Variants in AGBL4 observed in about 807,000 individuals in gnomAD.
AGBL4 encodes cytosolic carboxypeptidase 6.
A neutral mutation model predicts 66.4 loss-of-function variants in AGBL4; 58 were observed. The observed-to-expected ratio is 0.87, with a 90% confidence interval of 0.71 to 1.09. AGBL4 has a LOEUF of 1.09. AGBL4 is among the 50% of genes least tolerant of loss of function. The pLI, the probability that AGBL4 is intolerant of heterozygous loss-of-function variation, is 0.00. For missense variants in AGBL4, 579 were observed against 631.0 expected (o/e 0.92, Z 0.88); for synonymous variants, 234 against 222.9 (o/e 1.05, Z -0.44).
At chr1:48,968,766 C>A (rs193105911) in intron 5 of AGBL4, among the ~76,000 whole-genome samples, 1 of 152,084 alleles carries the variant, frequency 6.6e-6, no homozygotes, top group African/African-American at 2.4e-5. Context: ...CAGTCCAAGT[C>A]AATTGCATTG....
At chr1:48,546,965 G>C (rs1053126490) in intron 11 of AGBL4, among the ~76,000 whole-genome samples, 9 of 151,518 alleles carry the variant, frequency 5.9e-5, no homozygotes, top group Non-Finnish European at 8.8e-5. Context: ...AGATAATGCA[G>C]GCGTGGGAAG....
At chr1:49,163,066 G>A (rs1265950494) in intron 4 of AGBL4, among the ~76,000 whole-genome samples, 7 of 152,036 alleles carry the variant, frequency 4.6e-5, no homozygotes, top group Non-Finnish European at 1.0e-4. Context: ...ATTCTTAATG[G>A]AGCTCTTCAG....
At chr1:49,282,981 C>T (rs1462874026) in intron 3 of AGBL4, among the ~76,000 whole-genome samples, 1 of 152,246 alleles carries the variant, frequency 6.6e-6, no homozygotes, top group Non-Finnish European at 1.5e-5. Flanking sequence ...CTTAGGTAAA[C>T]AAACCAGCTG....
intron 1 of AGBL4, among the ~76,000 whole-genome samples, chr1:49,869,382 G>C (rs1163699559): frequency 4.6e-5 from 7 of 152,068 alleles, no homozygotes; most frequent in Non-Finnish European, 7.3e-5. Context: ...AAGAAAATGT[G>C]GTACATATGC....
rs546663063 is a variant in AGBL4, at chr1:49,955,801, TGGAAAAAA to T, written c.34+67954_34+67961del. 1.6e-4 allele frequency among the ~76,000 whole-genome samples: 25 copies of T among 151,826 alleles called. No homozygotes were observed. In the East Asian group the frequency reaches 2.7e-3, roughly 17 times the overall value. ...GAACTGCCCCCAGATAAGTGTGCCC[TGGAAAAAA>T]AAGTACAATGCAATCACTCTGTGCC... On this transcript the variant is annotated intron_variant, in intron 1 of 13. Transcript: ENST00000371839.
chr1:49,701,906 A>G (rs1247196908), intron 2 of AGBL4, among the ~76,000 whole-genome samples: 1 of 152,172 alleles, frequency 6.6e-6, no homozygotes, highest in Non-Finnish European at 1.5e-5. Flanking sequence ...AACTATACTT[A>G]TATCAGACAA....
intron 7 of AGBL4, among the ~76,000 whole-genome samples, chr1:48,656,956 T>C (rs1187306160): frequency 6.6e-6 from 1 of 152,108 alleles, no homozygotes; most frequent in Non-Finnish European, 1.5e-5. Context: ...GCCCATGTAT[T>C]CCCTGAATCT....
intron 3 of AGBL4, among the ~76,000 whole-genome samples, chr1:49,276,202 A>G (rs1557793680): frequency 6.6e-6 from 1 of 152,030 alleles, no homozygotes; most frequent in East Asian, 1.9e-4. Flanking sequence ...ATTTAACCAA[A>G]CTAATCTATT....
chr1:49,987,698 A>T (rs1659614755), intron 1 of AGBL4, among the ~76,000 whole-genome samples: 1 of 152,030 alleles, frequency 6.6e-6, no homozygotes, highest in African/African-American at 2.4e-5. Context: ...ATACACTTTT[A>T]AAATTTTTAT....
chr1:48,822,006 T>C (rs181609543), intron 6 of AGBL4, among the ~76,000 whole-genome samples: 37 of 152,116 alleles, frequency 2.4e-4, no homozygotes, highest in Non-Finnish European at 4.6e-4. Flanking sequence ...ATTAAAGCCA[T>C]AAGGAAATAC....
At chr1:48,934,066 A>G (rs1655257362) in intron 5 of AGBL4, among the ~76,000 whole-genome samples, 1 of 152,190 alleles carries the variant, frequency 6.6e-6, no homozygotes, top group South Asian at 2.1e-4. Flanking sequence ...CTGGGGAGCT[A>G]CAGAAAGGTT....
intron 2 of AGBL4, among the ~76,000 whole-genome samples, chr1:49,813,117 A>G (rs1645141045): frequency 1.3e-5 from 2 of 152,144 alleles, no homozygotes; most frequent in African/African-American, 2.4e-5. Flanking sequence ...AAAAAAGAAT[A>G]TCTTACTGAC....
chr1:48,565,472 G>A (rs1373366602), intron 11 of AGBL4, among the ~76,000 whole-genome samples: 1 of 152,126 alleles, frequency 6.6e-6, no homozygotes, highest in East Asian at 1.9e-4. Context: ...CCTGAGTCAG[G>A]CCTTGGTAAG....
intron 5 of AGBL4, among the ~76,000 whole-genome samples, chr1:48,989,277 A>G (rs996072560): frequency 1.3e-5 from 2 of 152,104 alleles, no homozygotes; most frequent in African/African-American, 4.8e-5. Flanking sequence ...TACGGGGTAC[A>G]TGATATATTT....
chr1:49,117,416 C>A (rs2148034901), intron 4 of AGBL4, among the ~76,000 whole-genome samples: 1 of 152,240 alleles, frequency 6.6e-6, no homozygotes, highest in South Asian at 2.1e-4. Context: ...AGGAGGGGAT[C>A]CAGTTTCAGC....
chr1:49,807,966 C>T (rs1645012514), intron 2 of AGBL4, among the ~76,000 whole-genome samples: 2 of 152,178 alleles, frequency 1.3e-5, no homozygotes, highest in Admixed American at 1.3e-4. Flanking sequence ...GTCAAATCTG[C>T]CAATGCCTTG....
intron 3 of AGBL4, among the ~76,000 whole-genome samples, chr1:49,367,658 T>G (rs1644265255): frequency 6.6e-6 from 1 of 152,232 alleles, no homozygotes; most frequent in Non-Finnish European, 1.5e-5. Context: ...TCTTCCCTGG[T>G]CAATGAATTG....
At chr1:49,900,381 G>A (rs1054445917) in intron 1 of AGBL4, among the ~76,000 whole-genome samples, 1 of 151,986 alleles carries the variant, frequency 6.6e-6, no homozygotes, top group Non-Finnish European at 1.5e-5. Context: ...GAGTAGCTGG[G>A]ATTACAGGCA....
At chr1:48,562,919 G>A (rs1644417972) in intron 11 of AGBL4, among the ~76,000 whole-genome samples, 1 of 152,182 alleles carries the variant, frequency 6.6e-6, no homozygotes, top group South Asian at 2.1e-4. Flanking sequence ...TCAGGGTTAT[G>A]GCAGGTAGTG....
Sources: allele counts gnomAD v4.1 joint callset (sites outside exome capture counted in the v4.1 genomes callset), GRCh38; gene constraint gnomAD v4.1.1; transcripts MANE v1.5; gene names NCBI Gene and HGNC (gene_info 2026-07-23, HGNC 2026-07-21).